Variants in FERMT3 observed in about 807,000 individuals in gnomAD.
The protein encoded by FERMT3 is fermitin family homolog 3.
A neutral mutation model predicts 80.8 loss-of-function variants in FERMT3; 33 were observed. That is an observed-to-expected ratio of 0.41 (90% CI 0.31 to 0.55). The LOEUF is 0.55. Among genes scored for constraint, FERMT3 ranks in the 20% least tolerant of loss-of-function variants. The pLI is 0.31. For missense variants in FERMT3, 754 were observed against 908.7 expected (o/e 0.83, Z 2.19); for synonymous variants, 375 against 372.2 (o/e 1.01, Z -0.09).
At position 64,219,195 on chromosome 11, in the gene FERMT3, C is replaced by A; in HGVS notation, c.787-56C>A. 6.6e-7 allele frequency: 1 copy of A among 1,511,562 alleles called. No individual in the cohort carries two copies. Among genetic ancestry groups the A allele is most frequent in the South Asian group, 1.2e-5 (1 of 83,366 alleles). 93.6% of individuals were successfully genotyped at this position (1,511,562 alleles called of 1,614,324 possible). On this transcript the variant is annotated intron_variant, in intron 6 of 14. Transcript: ENST00000345728. The surrounding 1 kb of genome is among the most constrained non-coding windows in gnomAD (Gnocchi z 4.0). ...TGGCAGGGGCTCAGTGCAGGGCGTC[C>A]AGGGCAGCTGGCATCTGACCAGCCC...
chr11:64,222,672 T>C (rs1946733183), intron 13 of FERMT3, among the ~76,000 whole-genome samples: 1 of 151,836 alleles, frequency 6.6e-6, no homozygotes, highest in Admixed American at 6.6e-5. Flanking sequence ...GGTTCGCCGG[T>C]CCGCAAGACA....
rs1946751427 is a variant in FERMT3 at position 64,223,054 on chromosome 11, G to A, written c.1677G>A (p.Lys559=). 3 of 1,613,568 alleles carry A rather than the reference G, an allele frequency of 1.9e-6. No homozygotes were observed. The highest frequency in any genetic ancestry group is 1.7e-5 in the Admixed American group (1 of 60,030). The part of the protein sequence containing the change: ...FGISYVMVRF[K]GSRKDEILGI... ...CTCTCTCCCTGGGGGCCAGGTTCAA[G>A]GGCAGCAGGAAAGACGAGATCCTGG... The change falls in exon 14 of 15, where the codon AAG becomes AAA. Residue 559 remains lysine, a synonymous_variant. Transcript: ENST00000345728.
At position 64,217,922 on chromosome 11, in the gene FERMT3, G is replaced by A. The variant is rs557331510; in HGVS notation, c.787-1329G>A. 8.5e-5 allele frequency among the ~76,000 whole-genome samples: 13 copies of A among 152,116 alleles called. No individual in the cohort carries two copies. In the East Asian group the frequency reaches 2.5e-3, roughly 29 times the overall value. ...TTACCAGACAGGAGAGGGACAAGGC[G>A]TGAGGCCCTAGCGCTCTCTGCATAA... On this transcript the variant is annotated intron_variant, in intron 6 of 14. Transcript: ENST00000345728.
intron 13 of FERMT3, among the ~76,000 whole-genome samples, chr11:64,222,240 CAAATAAAT>C (rs56402636): frequency 0.33 from 45,119 of 137,092 alleles, 11,328 homozygotes; most frequent in African/African-American, 0.68. Context: ...GACTCAGTCT[CAAATAAAT>C]AAATAAATAA....
intron 2 of FERMT3, among the ~76,000 whole-genome samples, chr11:64,208,511 C>T (rs949848914): frequency 2.0e-5 from 3 of 152,214 alleles, no homozygotes; most frequent in Admixed American, 2.0e-4. Flanking sequence ...CTAAGCACAT[C>T]AGCTCTGTCT....
intron 6 of FERMT3, among the ~76,000 whole-genome samples, chr11:64,216,713 G>A (rs548425742): frequency 3.4e-4 from 50 of 149,130 alleles, no homozygotes; most frequent in African/African-American, 1.2e-3. Context: ...AGAGAATGGC[G>A]TGAACCTGGG....
rs1450043620 is a variant in FERMT3 at position 64,207,620 on chromosome 11, C to T, written c.160+96C>T. On this transcript the variant is annotated intron_variant, in intron 2 of 14. Coordinates refer to ENST00000345728, the MANE Select transcript of FERMT3 (RefSeq NM_031471.6). ...CGGGCCATCCCTGCTGCTCAGCTCC[C>T]GATAATGGTGTCACGGTGACTCAGG... The T allele has an allele frequency of 1.9e-5, 27 of 1,430,264 alleles. No individual in the cohort carries two copies. The South Asian group carries it at 2.0e-4, about 11-fold the overall frequency. 88.6% of individuals were successfully genotyped at this position (1,430,264 alleles called of 1,614,324 possible). A position where few individuals can be genotyped will look rare whatever the true frequency, so the allele number is the denominator to read the frequency against.
chr11:64,211,842 T>C lies in FERMT3; in HGVS notation c.786+95T>C, dbSNP rs1694860317. 4 of 1,217,912 alleles carry C rather than the reference T, an allele frequency of 3.3e-6. No homozygotes were observed. The highest frequency in any genetic ancestry group is 2.5e-5 in the South Asian group (2 of 81,390). The allele number at this position is 1,217,912 out of a possible 1,614,324, so 75.4% of individuals were successfully genotyped here. A position where few individuals can be genotyped will look rare whatever the true frequency, so the allele number is the denominator to read the frequency against. Reference sequence around the variant, plus strand: ...GCTCTGGGATGTTAGTGACTTGTAGTGGCCTGTCCGTCTGCCCGTTTGTCC... The same window carrying C: ...GCTCTGGGATGTTAGTGACTTGTAGCGGCCTGTCCGTCTGCCCGTTTGTCC... On this transcript the variant is annotated intron_variant, in intron 6 of 14. Coordinates refer to ENST00000345728, the MANE Select transcript of FERMT3 (RefSeq NM_031471.6). The surrounding 1 kb of genome is among the most constrained non-coding windows in gnomAD (Gnocchi z 4.7).
chr11:64,219,199 G>C lies in FERMT3; in HGVS notation c.787-52G>C. 1.3e-6 allele frequency: 2 copies of C among 1,517,758 alleles called. No homozygotes were observed. Among genetic ancestry groups the C allele is most frequent in the Non-Finnish European group, 1.8e-6 (2 of 1,118,040 alleles). 94.0% of individuals were successfully genotyped at this position (1,517,758 alleles called of 1,614,324 possible). A position where few individuals can be genotyped will look rare whatever the true frequency, so the allele number is the denominator to read the frequency against. On this transcript the variant is annotated intron_variant, in intron 6 of 14. Coordinates refer to ENST00000345728, the MANE Select transcript of FERMT3 (RefSeq NM_031471.6). This position sits in a 1 kb window ranked among gnomAD's most constrained non-coding sequence, Gnocchi z 4.0. ...AGGGGCTCAGTGCAGGGCGTCCAGG[G>C]CAGCTGGCATCTGACCAGCCCAGCC...
rs1392552156 is a variant in FERMT3, at chr11:64,223,779, C to T, written c.*287C>T. The T allele has an allele frequency of 1.7e-5, 16 of 946,204 alleles. No homozygotes were observed. Among genetic ancestry groups the T allele is most frequent in the Non-Finnish European group, 2.5e-5 (16 of 631,128 alleles). The allele number at this position is 946,204 out of a possible 1,614,324, so 58.6% of individuals were successfully genotyped here. On this transcript the variant is annotated 3_prime_UTR_variant, in exon 15 of 15. Coordinates refer to ENST00000345728, the MANE Select transcript of FERMT3 (RefSeq NM_031471.6). ...GACCTATCTGCAGTCCCCCAGCACA[C>T]AAGGAAGACCAGATGTAGCTACAGG... is the stretch of plus-strand genomic sequence containing the variant.
At position 64,207,368 on chromosome 11, in the gene FERMT3, G is replaced by A. The variant is rs1565287895; in HGVS notation, c.4G>A (p.Ala2Thr). 6.2e-7 allele frequency: 1 copy of A among 1,614,168 alleles called. No homozygotes were observed. Among genetic ancestry groups the A allele is most frequent in the Non-Finnish European group, 8.5e-7 (1 of 1,180,028 alleles). Residue 2 changes from alanine to threonine, a missense_variant, in exon 2 of 15, where the codon GCG (alanine) becomes ACG (threonine). Coordinates refer to ENST00000345728, the MANE Select transcript of FERMT3 (RefSeq NM_031471.6). Reference protein sequence around the residue: MAGMKTASGDYI... With the variant: MTGMKTASGDYI... ...CTCTGTAGCAGCAGCCGCAGCCATG[G>A]CGGGGATGAAGACAGCCTCCGGGGA...
At position 64,211,743 on chromosome 11, in the gene FERMT3, C is replaced by G. The variant is rs553045950; in HGVS notation, c.782C>G (p.Pro261Arg). 1.2e-6 allele frequency: 2 copies of G among 1,614,144 alleles called. No homozygotes were observed. The highest frequency in any genetic ancestry group is 2.7e-5 in the African/African-American group (2 of 75,034). ...TACTACAGCTTCTTCGATTTGGATCCCAAGGTGGGTCGGGGCAGGGAGAAA... is the reference window on the plus strand; with the variant it reads ...TACTACAGCTTCTTCGATTTGGATCGCAAGGTGGGTCGGGGCAGGGAGAAA... ...FKYYSFFDLDPKTDPVRLTQL... is the reference protein window; with the variant it reads ...FKYYSFFDLDRKTDPVRLTQL... The change falls in exon 6 of 15, where the codon CCC becomes CGC. Residue 261 changes from proline to arginine, a missense_variant. Pro to Arg is a moderately radical substitution (Grantham distance 103, BLOSUM62 -2). Coordinates refer to ENST00000345728, the MANE Select transcript of FERMT3 (RefSeq NM_031471.6). This position sits in a 1 kb window ranked among gnomAD's most constrained non-coding sequence, Gnocchi z 4.7.
chr11:64,222,822 G>C (rs555003528), intron 13 of FERMT3, among the ~76,000 whole-genome samples: 1 of 152,344 alleles, frequency 6.6e-6, no homozygotes, highest in South Asian at 2.1e-4. Flanking sequence ...GGCTTGGCCT[G>C]TTTGCCCGAT....
At chr11:64,218,094 C>T (rs1178887234) in intron 6 of FERMT3, among the ~76,000 whole-genome samples, 1 of 150,444 alleles carries the variant, frequency 6.6e-6, no homozygotes, top group South Asian at 2.1e-4. Context: ...AGCTCCGCCT[C>T]CCGGGTTCAC....
Position 64,219,548 on chromosome 11 carries a change from A to G in FERMT3, c.919A>G (p.Ser307Gly). The change falls in exon 8 of 15, where the codon AGC (serine) becomes GGC (glycine). Residue 307 changes from serine to glycine, a missense_variant. By Grantham distance (56) the Ser-to-Gly change is moderately conservative. Transcript: ENST00000345728. The surrounding 1 kb of genome is among the most constrained non-coding windows in gnomAD (Gnocchi z 4.0). ...LQYHINKLSQ[S>G]GEVGEPAGTD... ...GTACCACATCAACAAGCTGTCCCAG[A>G]GCGGGGAGGTGGGGGAGCCGGCTGG... 6.2e-7 allele frequency: 1 copy of G among 1,610,808 alleles called. No homozygotes were observed. The highest frequency in any genetic ancestry group is 1.7e-4 in the Middle Eastern group (1 of 6,060).
rs72920390 is a variant in FERMT3 at position 64,220,441 on chromosome 11, G to A, written c.1317G>A (p.Gln439=). The A allele has an allele frequency of 2.4e-3, 3,920 of 1,611,142 alleles. 6 individuals are homozygous for A. Among genetic ancestry groups the A allele is most frequent in the Non-Finnish European group, 2.9e-3 (3,366 of 1,179,494 alleles). Residue 439 remains glutamine (Q), a synonymous_variant, in exon 12 of 15, where the codon CAG becomes CAA. Transcript: ENST00000345728. ...SEIYLRCQDE[Q]QYARWMAGCR... is the part of the protein sequence containing the mutation. ...CCCTCACCCCTCTCGCCCAGGAGCAGCAGTATGCCCGCTGGATGGCTGGCT... is the reference window on the plus strand; with the variant it reads ...CCCTCACCCCTCTCGCCCAGGAGCAACAGTATGCCCGCTGGATGGCTGGCT...
intron 10 of FERMT3, 63 bp from the exon 11 acceptor site, chr11:64,220,157 C>T (rs1383377114): frequency 5.1e-6 from 8 of 1,577,636 alleles, no homozygotes; most frequent in Non-Finnish European, 6.1e-6. Flanking sequence ...CTAGGATGCA[C>T]TCCAGGACCT....
At chr11:64,206,993 T>A (rs1261685828) in intron 1 of FERMT3, among the ~76,000 whole-genome samples, 179 bp downstream of exon 1, 1 of 152,098 alleles carries the variant, frequency 6.6e-6, no homozygotes, top group East Asian at 1.9e-4. Context: ...CTTCCTGGCC[T>A]GGGTACGAAG....
Position 64,219,167 on chromosome 11 carries a change from G to T in FERMT3, c.787-84G>T, listed in dbSNP as rs1050296533. On this transcript the variant is annotated intron_variant, in intron 6 of 14. Transcript: ENST00000345728. The surrounding 1 kb of genome is among the most constrained non-coding windows in gnomAD (Gnocchi z 4.0). Reference sequence around the variant, plus strand: ...CAAGGAGGGCAGGGCAGAGGGCCAAGGCTGGCAGGGGCTCAGTGCAGGGCG... The same window carrying T: ...CAAGGAGGGCAGGGCAGAGGGCCAATGCTGGCAGGGGCTCAGTGCAGGGCG... 2 of 1,347,946 alleles carry T rather than the reference G, an allele frequency of 1.5e-6. No homozygotes were observed. Among genetic ancestry groups the T allele is most frequent in the East Asian group, 5.0e-5 (2 of 39,934 alleles). The allele number at this position is 1,347,946 out of a possible 1,614,324, so 83.5% of individuals were successfully genotyped here.
Sources: allele counts gnomAD v4.1 joint callset (sites outside exome capture counted in the v4.1 genomes callset), GRCh38; gene constraint gnomAD v4.1.1; non-coding constraint Gnocchi (gnomAD v3.1); transcripts MANE v1.5; gene names NCBI Gene and HGNC (gene_info 2026-07-23, HGNC 2026-07-21).